The following LRRC56 variants were observed in gnomAD, a reference collection of about 807,000 sequenced individuals.
LRRC56 encodes the protein leucine-rich repeat-containing protein 56.
In LRRC56, 41 loss-of-function variants were observed where a neutral mutation model predicts 47.8. That is an observed-to-expected ratio of 0.86 (90% confidence interval 0.67 to 1.11). LRRC56 has a LOEUF of 1.11. LRRC56 is among the 50% of genes most tolerant of loss of function. LRRC56 has a pLI of 0.00. For synonymous variants in LRRC56, 387 were observed against 311.2 expected (o/e 1.24, Z -2.56); for missense variants, 759 against 704.2 (o/e 1.08, Z -0.88).
the LRRC56 span, chr11:532,514 G>C: frequency 4.3e-5 from 58 of 1,359,610 alleles, no homozygotes; most frequent in East Asian, 1.1e-3. Context: ...TCCATGTCCT[G>C]AGCTTGTGCT....
intron 6 of LRRC56, among the ~76,000 whole-genome samples, chr11:547,123 A>T (rs1402208697): frequency 6.6e-6 from 1 of 151,654 alleles, no homozygotes; most frequent in Non-Finnish European, 1.5e-5. Flanking sequence ...TGCCAGCTGC[A>T]CAGGAGGCTG....
At chr11:523,614 G>C in the LRRC56 span, among the ~76,000 whole-genome samples, 1 of 140,338 alleles carries the variant, frequency 7.1e-6, no homozygotes, top group African/African-American at 2.7e-5. Flanking sequence ...CTGGGCAACA[G>C]AGACTCCATC....
the LRRC56 span, among the ~76,000 whole-genome samples, chr11:526,796 G>C: frequency 3.9e-5 from 6 of 152,056 alleles, no homozygotes; most frequent in African/African-American, 1.4e-4. Flanking sequence ...AATTAGCCAG[G>C]CATGGTGGTG....
the LRRC56 span, among the ~76,000 whole-genome samples, chr11:511,193 C>T: frequency 2.0e-5 from 3 of 151,494 alleles, no homozygotes; most frequent in African/African-American, 4.9e-5. Context: ...TGGTGGCGGG[C>T]GCCTGTAGTC....
At chr11:533,621 T>C (rs1564789180), upstream of LRRC56, 1 of 1,613,390 alleles carries the variant, frequency 6.2e-7, no homozygotes. Flanking sequence ...CCCTGAGAGG[T>C]GGAAAGCGAG....
upstream of LRRC56, chr11:532,573 G>C: frequency 6.3e-7 from 1 of 1,575,788 alleles, no homozygotes; most frequent in Non-Finnish European, 8.6e-7. Context: ...AGACCGGCAG[G>C]GGCGGGGAGC....
the LRRC56 span, chr11:528,700 C>A: frequency 6.6e-6 from 1 of 152,178 alleles, no homozygotes. Context: ...CCTGTGTGCA[C>A]GTTAGTGGGG....
chr11:518,714 A>G, the LRRC56 span, among the ~76,000 whole-genome samples: 11 of 152,194 alleles, frequency 7.2e-5, no homozygotes, highest in Admixed American at 3.3e-4. Context: ...GTGGGGCAGG[A>G]AACGCAGCCA....
chr11:534,126 C>G (rs1021082161), upstream of LRRC56: 10 of 1,238,262 alleles, frequency 8.1e-6, no homozygotes, highest in Non-Finnish European at 8.2e-6. Context: ...TGCAGGGGAC[C>G]AGGGGCTGCA....
At chr11:531,172 G>A in the LRRC56 span, among the ~76,000 whole-genome samples, 7 of 150,588 alleles carry the variant, frequency 4.6e-5, no homozygotes. Context: ...TGGAGAGAAG[G>A]GCGAGTGTGG....
rs1376001678 is a variant in LRRC56 at position 554,665 on chromosome 11, A to C, written c.*389A>C. On this transcript the variant is annotated 3_prime_UTR_variant, in exon 14 of 14. Transcript: ENST00000270115. ...AGTCCACCACTCCCTTGCCGGCCCC[A>C]GGGTAAGAGCCACCTCCTAGGCCGC... is the stretch of plus-strand genomic sequence containing the variant. The C allele has an allele frequency of 7.5e-6, 3 of 397,618 alleles. No homozygotes were observed. Among genetic ancestry groups the C allele is most frequent in the African/African-American group, 2.1e-5 (1 of 47,566 alleles). 24.6% of individuals were successfully genotyped at this position (397,618 alleles called of 1,614,324 possible). A position where few individuals can be genotyped will look rare whatever the true frequency, so the allele number is the denominator to read the frequency against.
At position 553,972 on chromosome 11, in the gene LRRC56, G is replaced by A; in HGVS notation, c.1325G>A (p.Gly442Glu). The change falls in exon 14 of 14, where the codon GGG (glycine) becomes GAG (glutamate). Residue 442 changes from glycine (G) to glutamate (E), a missense_variant. By Grantham distance (98) the Gly-to-Glu change is moderately conservative (BLOSUM62 -2). Coordinates refer to ENST00000270115, the MANE Select transcript of LRRC56 (RefSeq NM_198075.4). ...SPPSLASEPS[G>E]TSSQHLVPSP... ...TCTGCTTGCTTTCTAGAGCCCTCCG[G>A]GACCTCGAGCCAGCACCTGGTCCCT... 6.2e-6 allele frequency: 10 copies of A among 1,611,584 alleles called. No individual in the cohort carries two copies. Among genetic ancestry groups the A allele is most frequent in the Non-Finnish European group, 8.5e-6 (10 of 1,179,454 alleles).
At chr11:532,183 G>C in the LRRC56 span, 1 of 308,946 alleles carries the variant, frequency 3.2e-6, no homozygotes, top group East Asian at 5.3e-5. Flanking sequence ...CTGAGGTTCC[G>C]ACATACCTCA....
At chr11:537,227 A>T (rs1851550135), upstream of LRRC56, 1 of 152,198 alleles carries the variant, frequency 6.6e-6, no homozygotes, top group African/African-American at 2.4e-5. Flanking sequence ...AGGAAACGCG[A>T]CACGTGCATC....
chr11:554,381 A>G lies in LRRC56; in HGVS notation c.*105A>G. 1 of 1,043,860 alleles carries G rather than the reference A, an allele frequency of 9.6e-7. No homozygotes were observed. Among genetic ancestry groups the G allele is most frequent in the South Asian group, 2.3e-5 (1 of 42,904 alleles). The allele number at this position is 1,043,860 out of a possible 1,614,324, so 64.7% of individuals were successfully genotyped here. On this transcript the variant is annotated 3_prime_UTR_variant, in exon 14 of 14. Coordinates refer to ENST00000270115, the MANE Select transcript of LRRC56 (RefSeq NM_198075.4). ...GGCGGGTGTGTTGGGGGGTGGAAGG[A>G]GTGCCTGGCCCTGGGGAGGACCCTC...
At chr11:534,095 G>A (rs1324102835), upstream of LRRC56, 1 of 1,169,908 alleles carries the variant, frequency 8.5e-7, no homozygotes, top group Non-Finnish European at 1.3e-6. Flanking sequence ...AGAGGAAGCA[G>A]GAGACAGGGC....
At position 551,803 on chromosome 11, in the gene LRRC56, G is replaced by A; in HGVS notation, c.949G>A (p.Asp317Asn). 1 of 1,608,130 alleles carries A rather than the reference G, an allele frequency of 6.2e-7. No homozygotes were observed. The highest frequency in any genetic ancestry group is 8.5e-7 in the Non-Finnish European group (1 of 1,177,044). Reference sequence around the variant, plus strand: ...GCTTTCTGAGGACCTGGCCCCAGAAGATAACACCAGCAGCCTCACCCATGG... The same window carrying A: ...GCTTTCTGAGGACCTGGCCCCAGAAAATAACACCAGCAGCCTCACCCATGG... The part of the protein sequence containing the change: ...GLLSEDLAPE[D>N]NTSSLTHGAG... The change falls in exon 10 of 14, where the codon GAT becomes AAT. Residue 317 changes from aspartate (D) to asparagine (N), a missense_variant. Physicochemically the swap from Asp to Asn is conservative, Grantham distance 23. Transcript: ENST00000270115.
At chr11:525,316 GA>G in the LRRC56 span, among the ~76,000 whole-genome samples, 9 of 151,438 alleles carry the variant, frequency 5.9e-5, no homozygotes, top group Non-Finnish European at 8.8e-5. Context: ...AAGGCGGGCG[GA>G]TCACGAGGTC....
the LRRC56 span, among the ~76,000 whole-genome samples, chr11:514,702 T>G: frequency 6.6e-6 from 1 of 152,170 alleles, no homozygotes; most frequent in Admixed American, 6.5e-5. Context: ...ATGCATTGTT[T>G]TGTAAACATA....
Sources: allele counts gnomAD v4.1 joint callset (sites outside exome capture counted in the v4.1 genomes callset), GRCh38; gene constraint gnomAD v4.1.1; transcripts MANE v1.5; gene names NCBI Gene and HGNC (gene_info 2026-07-23, HGNC 2026-07-21).